NTM: variants seen among roughly 807,000 people sequenced by gnomAD.
NTM encodes the protein IgLON family member 2.
Under a neutral mutation model 42.1 loss-of-function variants are expected in NTM, and 13 were observed. The observed-to-expected ratio is 0.31, with a 90% CI of 0.20 to 0.49. The LOEUF (loss-of-function observed/expected upper bound fraction) is 0.49. NTM is among the 20% of genes least tolerant of loss of function. The pLI is 0.99. For missense variants in NTM, 373 were observed against 452.8 expected, an observed-to-expected ratio of 0.82 and a Z score of 1.60; for synonymous variants, 187 against 179.2, an observed-to-expected ratio of 1.04 and a Z score of -0.35.
At chr11:132,021,832 A>C (rs1007230655) in intron 2 of NTM, among the ~76,000 whole-genome samples, 7 of 152,142 alleles carry the variant, frequency 4.6e-5, no homozygotes, top group Admixed American at 4.6e-4. Context: ...GACCATTTCC[A>C]ATGTCTCCTG....
intron 1 of NTM, among the ~76,000 whole-genome samples, chr11:131,607,906 T>A (rs2061120410): frequency 6.6e-6 from 1 of 151,948 alleles, no homozygotes; most frequent in Admixed American, 6.5e-5. Flanking sequence ...TTTTGTTTTA[T>A]AATTATTATT....
At chr11:131,408,476 G>T (rs1015250968) in intron 1 of NTM, among the ~76,000 whole-genome samples, 1 of 152,178 alleles carries the variant, frequency 6.6e-6, no homozygotes, top group East Asian at 1.9e-4. Context: ...TTGAAAATAT[G>T]AAGAGCATTC....
intron 1 of NTM, among the ~76,000 whole-genome samples, chr11:131,574,259 A>G (rs1467478229): frequency 6.6e-6 from 1 of 152,122 alleles, no homozygotes; most frequent in African/African-American, 2.4e-5. Context: ...AAATGATATC[A>G]CTGCACTCCC....
chr11:131,452,896 C>T (rs931354449), intron 1 of NTM, among the ~76,000 whole-genome samples: 3 of 152,118 alleles, frequency 2.0e-5, no homozygotes, highest in Admixed American at 6.5e-5. Flanking sequence ...GGGCTGGGGG[C>T]AAGGGAATGG....
At chr11:132,208,915 C>T (rs149043134) in intron 3 of NTM, among the ~76,000 whole-genome samples, 13 of 152,250 alleles carry the variant, frequency 8.5e-5, no homozygotes, top group Admixed American at 2.6e-4. Context: ...GTTGAAGCAA[C>T]GTCTGCAAGG....
At chr11:131,469,661 T>C (rs1278941855) in intron 1 of NTM, among the ~76,000 whole-genome samples, 1 of 152,218 alleles carries the variant, frequency 6.6e-6, no homozygotes, top group African/African-American at 2.4e-5. Context: ...CAAGATTGCC[T>C]GGGGCTAAAC....
chr11:132,184,330 A>G (rs4937680), intron 3 of NTM, among the ~76,000 whole-genome samples: 101,691 of 152,030 alleles, frequency 0.67, 34,328 homozygotes, highest in Middle Eastern at 0.77. Context: ...CTCCCAAGCA[A>G]GTTCCTCTCT....
chr11:132,282,976 C>CTTTTTTTTTTTTTTTTTTTTTTTTTTTT lies in NTM; in HGVS notation c.527-24688_527-24687insTTTTTTTTTTTTTTTTTTTTTTTTTTTT, dbSNP rs142817071. Among the ~76,000 whole-genome samples, 54 of 108,988 alleles carry CTTTTTTTTTTTTTTTTTTTTTTTTTTTT rather than the reference C, an allele frequency of 5.0e-4. 3 individuals carry two copies. Among genetic ancestry groups the CTTTTTTTTTTTTTTTTTTTTTTTTTTTT allele is most frequent in the Non-Finnish European group, 7.0e-4 (39 of 55,920 alleles). 71.5% of individuals were successfully genotyped at this position (108,988 alleles called of 152,430 possible). A position where few individuals can be genotyped will look rare whatever the true frequency, so the allele number is the denominator to read the frequency against. ...AATGAAACGGGAAATTCCTTTATTC[C>CTTTTTTTTTTTTTTTTTTTTTTTTTTTT]TTTTTTTTTTTTTTTTTTTTTTTTT... On this transcript the variant is annotated intron_variant, in intron 4 of 8. Transcript: ENST00000683400.
intron 1 of NTM, among the ~76,000 whole-genome samples, chr11:131,513,930 C>T (rs2048570716): frequency 1.3e-5 from 2 of 152,104 alleles, no homozygotes. Context: ...CCCTTCCCAG[C>T]AGACCCTCAC....
chr11:132,144,848 T>A (rs1382497004), intron 2 of NTM, among the ~76,000 whole-genome samples: 1 of 152,200 alleles, frequency 6.6e-6, no homozygotes, highest in Non-Finnish European at 1.5e-5. Context: ...CCAAGGTGTT[T>A]CTTTTTGGGC....
At chr11:131,524,897 T>C (rs1441730795) in intron 1 of NTM, among the ~76,000 whole-genome samples, 1 of 152,172 alleles carries the variant, frequency 6.6e-6, no homozygotes, top group Non-Finnish European at 1.5e-5. Context: ...TTGCCTTAGC[T>C]GTGAAAGGGG....
chr11:131,611,893 T>C (rs946237432), intron 1 of NTM, among the ~76,000 whole-genome samples: 1 of 152,182 alleles, frequency 6.6e-6, no homozygotes, highest in African/African-American at 2.4e-5. Flanking sequence ...ATTCTGAAGA[T>C]TAATTGCTAA....
chr11:131,462,997 A>AT (rs1421170740), intron 1 of NTM, among the ~76,000 whole-genome samples: 2 of 151,078 alleles, frequency 1.3e-5, no homozygotes, highest in African/African-American at 4.9e-5. Flanking sequence ...TATTTGGAAG[A>AT]TTCAAATACA....
intron 1 of NTM, among the ~76,000 whole-genome samples, chr11:131,527,861 G>A (rs753920734): frequency 6.6e-6 from 1 of 150,816 alleles, no homozygotes; most frequent in Non-Finnish European, 1.5e-5. Flanking sequence ...TTTGGAAAGC[G>A]ATAAATCAAA....
intron 1 of NTM, among the ~76,000 whole-genome samples, chr11:131,597,370 T>C (rs2059904788): frequency 6.6e-6 from 1 of 152,098 alleles, no homozygotes; most frequent in African/African-American, 2.4e-5. Flanking sequence ...TCACCCTGCC[T>C]CCACTTGCGC....
intron 2 of NTM, among the ~76,000 whole-genome samples, chr11:132,142,358 G>A (rs1183929950): frequency 2.6e-5 from 4 of 152,274 alleles, no homozygotes; most frequent in Admixed American, 6.5e-5. Context: ...GTGAGATACC[G>A]TACCGTGTTT....
Position 131,504,816 on chromosome 11 carries a change from T to C in NTM, c.82+133928T>C, listed in dbSNP as rs1040279853. Among the ~76,000 whole-genome samples the C allele has an allele frequency of 2.0e-5, 3 of 151,892 alleles. 1 individual carries two copies. Among genetic ancestry groups the C allele is most frequent in the Admixed American group, 1.3e-4 (2 of 15,264 alleles). ...TCCATCAGCCGTCCACCCCCTCCAC[T>C]CCTCCTGCATGCACATATGCCTGCC... is the stretch of plus-strand genomic sequence containing the variant. On this transcript the variant is annotated intron_variant, in intron 1 of 8. Transcript: ENST00000683400.
At chr11:132,069,910 C>G (rs2136136326) in intron 2 of NTM, among the ~76,000 whole-genome samples, 1 of 148,988 alleles carries the variant, frequency 6.7e-6, no homozygotes, top group Middle Eastern at 3.6e-3. Context: ...GTCACACAGC[C>G]AAAACACGTC....
At chr11:131,967,865 C>T (rs2063030263) in intron 2 of NTM, among the ~76,000 whole-genome samples, 1 of 152,124 alleles carries the variant, frequency 6.6e-6, no homozygotes, top group Non-Finnish European at 1.5e-5. Context: ...CTGCTTTTCT[C>T]ATTAACTGGT....
Sources: gnomAD v4.1 joint callset for allele counts (sites outside exome capture counted in the v4.1 genomes callset) on GRCh38, gnomAD v4.1.1 for gene constraint, MANE v1.5 for transcripts, NCBI Gene and HGNC (gene_info 2026-07-23, HGNC 2026-07-21) for gene names.